Variants in MUC12 observed in about 807,000 individuals in gnomAD.
MUC12 encodes mucin 12, cell surface associated.
A neutral mutation model predicts 230.8 loss-of-function variants in MUC12; 172 were observed. The ratio of observed to expected loss-of-function variants is 0.75; its 90% CI spans 0.66 to 0.85. The LOEUF is 0.85. Among genes scored for constraint, MUC12 ranks in the 40% least tolerant of loss-of-function variants. MUC12 has a pLI of 0.00. For synonymous variants in MUC12, 1,259 were observed against 2,401.9 expected (o/e 0.52, Z 13.91); for missense variants, 3,506 against 5,920.6 (o/e 0.59, Z 13.38).
intron 1 of MUC12, among the ~76,000 whole-genome samples, chr7:100,984,979 G>A (rs1315245350): frequency 6.6e-6 from 1 of 152,052 alleles, no homozygotes; most frequent in African/African-American, 2.4e-5. Flanking sequence ...AGATTCTCCT[G>A]CCTCAGCCTC....
In MUC12 at chr7:100,990,703, C is replaced by A. The variant is rs1309159866; in HGVS notation, c.140C>A (p.Thr47Asn). Residue 47 changes from threonine (T) to asparagine (N), a missense_variant, in exon 2 of 12, where the codon ACC becomes AAC. Thr to Asn is a moderately conservative substitution (Grantham distance 65). Coordinates refer to ENST00000536621, the MANE Select transcript of MUC12 (RefSeq NM_001164462.2). Reference protein sequence around the residue: ...ASTPSSSDPFTTFSDYGVSVT... With the variant: ...ASTPSSSDPFNTFSDYGVSVT... The stretch of plus-strand genomic sequence containing the variant: ...ACACCCAGTTCAAGCGACCCTTTTA[C>A]CACCTTTAGTGACTATGGGGTGTCA... The A allele has an allele frequency of 3.3e-6, 5 of 1,537,786 alleles. No individual in the cohort carries two copies. Among genetic ancestry groups the A allele is most frequent in the African/African-American group, 2.7e-5 (2 of 73,040 alleles).
intron 3 of MUC12, among the ~76,000 whole-genome samples, chr7:101,007,307 A>T (rs1307841581): frequency 6.6e-6 from 1 of 152,090 alleles, no homozygotes; most frequent in East Asian, 1.9e-4. Flanking sequence ...GACTATAGTC[A>T]CTCTGTCGTG....
At position 101,014,958 on chromosome 7, in the gene MUC12, G is replaced by A. The variant is rs995920090; in HGVS notation, c.15801-657G>A. ...CTGTCACCCCTGGCTGTCTGAACTC[G>A]CTTTTATTACACACCCACTTTTGAG... On this transcript the variant is annotated intron_variant, in intron 9 of 11. Coordinates refer to ENST00000536621, the MANE Select transcript of MUC12 (RefSeq NM_001164462.2). Among the ~76,000 whole-genome samples the A allele has an allele frequency of 3.3e-5, 5 of 151,996 alleles. No individual in the cohort carries two copies. In the South Asian group the frequency reaches 6.2e-4, roughly 19 times the overall value.
Position 101,013,938 on chromosome 7 carries a change from T to C in MUC12, c.15664T>C (p.Tyr5222His). ...CLCPNTNTHW[Y>H]WGETCEFNIA... ...GTGCCCAAATACGAACACACACTGG[T>C]ACTGGGGAGAGACCTGTGAATTCAA... The change falls in exon 9 of 12, where the codon TAC becomes CAC. Residue 5222 changes from tyrosine (Y) to histidine (H), a missense_variant. Coordinates refer to ENST00000536621, the MANE Select transcript of MUC12 (RefSeq NM_001164462.2). 1 of 1,536,276 alleles carries C rather than the reference T, an allele frequency of 6.5e-7. No homozygotes were observed. Among genetic ancestry groups the C allele is most frequent in the Non-Finnish European group, 8.7e-7 (1 of 1,146,484 alleles).
Position 100,995,906 on chromosome 7 carries a change from A to G in MUC12, c.5343A>G (p.Thr1781=). ...AYHSSPGSTQ[T]MHFPESSTAS... ...ACAGCAGCCCGGGCTCAACTCAAAC[A>G]ATGCACTTCCCTGAAAGCTCCACAG... The change falls in exon 2 of 12, where the codon ACA becomes ACG. Residue 1781 remains threonine, a synonymous_variant. Transcript: ENST00000536621. 7.5e-7 allele frequency: 1 copy of G among 1,338,298 alleles called. No individual in the cohort carries two copies. Among genetic ancestry groups the G allele is most frequent in the South Asian group, 1.3e-5 (1 of 76,750 alleles). 82.9% of individuals were successfully genotyped at this position (1,338,298 alleles called of 1,614,324 possible). A position where few individuals can be genotyped will look rare whatever the true frequency, so the allele number is the denominator to read the frequency against.
rs868281354 is a variant in MUC12, at chr7:101,005,483, A to T, written c.14920A>T (p.Ile4974Phe). 9 of 1,537,540 alleles carry T rather than the reference A, an allele frequency of 5.9e-6. No individual in the cohort carries two copies. The highest frequency in any genetic ancestry group is 7.8e-6 in the Non-Finnish European group (9 of 1,146,870). Residue 4974 changes from isoleucine (I) to phenylalanine (F), a missense_variant, in exon 2 of 12, where the codon ATT becomes TTT. Transcript: ENST00000536621. ...FHTSPSFTSTIVSTESLETLA... is the reference protein window; with the variant it reads ...FHTSPSFTSTFVSTESLETLA... ...CACCAGTCCAAGCTTCACTTCTACA[A>T]TTGTGTCTACTGAAAGCCTGGAAAC...
Position 101,005,013 on chromosome 7 carries a change from C to A in MUC12, c.14450C>A (p.Ser4817Tyr). 1 of 1,537,636 alleles carries A rather than the reference C, an allele frequency of 6.5e-7. No homozygotes were observed. The highest frequency in any genetic ancestry group is 8.7e-7 in the Non-Finnish European group (1 of 1,147,016). ...TCCCCTGGCAGCATCACAACTTCATCTTTTGCTCAAGAATTTACCACCCCT... is the reference window on the plus strand; with the variant it reads ...TCCCCTGGCAGCATCACAACTTCATATTTTGCTCAAGAATTTACCACCCCT... Reference protein sequence around the residue: ...TLSPGSITTSSFAQEFTTPHS... With the variant: ...TLSPGSITTSYFAQEFTTPHS... The change falls in exon 2 of 12, where the codon TCT becomes TAT. Residue 4817 changes from serine to tyrosine, a missense_variant. Coordinates refer to ENST00000536621, the MANE Select transcript of MUC12 (RefSeq NM_001164462.2).
At chr7:100,972,592 T>G (rs1792930630) in intron 1 of MUC12, among the ~76,000 whole-genome samples, 1 of 143,808 alleles carries the variant, frequency 7.0e-6, no homozygotes, top group Non-Finnish European at 1.5e-5. Flanking sequence ...AACCTCTGTC[T>G]CCAGGGTTCA....
At chr7:100,989,806 C>G (rs572150621) in intron 1 of MUC12, among the ~76,000 whole-genome samples, 71 of 151,950 alleles carry the variant, frequency 4.7e-4, no homozygotes, top group Non-Finnish European at 8.7e-4. Context: ...TTCTCATGCC[C>G]TAGCCTCCCA....
rs1433421320 is a variant in MUC12, at chr7:100,972,892, CAG to C, written c.67+3205_67+3206del. ...GTGGACTGGTGAGGTTTTGGAGAAG[CAG>C]ACAGTCGAGCAAGGGAAGAGCACTC... is the stretch of plus-strand genomic sequence containing the variant. On this transcript the variant is annotated intron_variant, in intron 1 of 11. Transcript: ENST00000536621. The C allele has an allele frequency of 7.1e-6, 5 of 702,832 alleles. No individual in the cohort carries two copies. The East Asian group carries it at 1.3e-4, about 19-fold the overall frequency. The allele number at this position is 702,832 out of a possible 1,614,324, so 43.5% of individuals were successfully genotyped here.
At chr7:100,986,061 G>A (rs556203020) in intron 1 of MUC12, among the ~76,000 whole-genome samples, 1 of 152,094 alleles carries the variant, frequency 6.6e-6, no homozygotes, top group East Asian at 1.9e-4. Context: ...AAAGTCCACC[G>A]ACTTCAAAAC....
At chr7:101,018,058 TC>T (rs1363247877) in intron 11 of MUC12, among the ~76,000 whole-genome samples, 1 of 402 alleles carries the variant, frequency 2.5e-3, no homozygotes, top group Non-Finnish European at 3.3e-3. Context: ...CCCCTTCCCT[TC>T]CCCCTGGGAC....
Position 100,985,895 on chromosome 7 carries a change from C to T in MUC12, c.68-4736C>T, listed in dbSNP as rs369319531. Among the ~76,000 whole-genome samples, 7 of 152,224 alleles carry T rather than the reference C, an allele frequency of 4.6e-5. No individual in the cohort carries two copies. The South Asian group carries it at 1.2e-3, about 27-fold the overall frequency. On this transcript the variant is annotated intron_variant, in intron 1 of 11. Transcript: ENST00000536621. ...AACCCTGCCACCCTCACTTTGGTGC[C>T]GGCCTATCCTCTGCCATCCTCTCTG...
In MUC12 at chr7:100,992,532, C is replaced by A. The variant is rs771353225; in HGVS notation, c.1969C>A (p.Pro657Thr). 2 of 1,537,848 alleles carry A rather than the reference C, an allele frequency of 1.3e-6. No individual in the cohort carries two copies. Among genetic ancestry groups the A allele is most frequent in the African/African-American group, 2.7e-5 (2 of 73,032 alleles). Reference sequence around the variant, plus strand: ...TACTACCACATCAGCCTTTGTTGAGCCATCTACAACCTCCCACGGCAGCCC... The same window carrying A: ...TACTACCACATCAGCCTTTGTTGAGACATCTACAACCTCCCACGGCAGCCC... ...PPTTTSAFVEPSTTSHGSPSS... is the reference protein window; with the variant it reads ...PPTTTSAFVETSTTSHGSPSS... Residue 657 changes from proline (P) to threonine (T), a missense_variant, in exon 2 of 12, where the codon CCA (proline) becomes ACA (threonine). Transcript: ENST00000536621.
chr7:100,995,539 C>A lies in MUC12; in HGVS notation c.4976C>A (p.Ala1659Glu), dbSNP rs1453354183. 4 of 1,535,978 alleles carry A rather than the reference C, an allele frequency of 2.6e-6. No individual in the cohort carries two copies. Among genetic ancestry groups the A allele is most frequent in the Non-Finnish European group, 3.5e-6 (4 of 1,146,840 alleles). Reference protein sequence around the residue: ...DNTTASGLLEASTPVHSSTGS... With the variant: ...DNTTASGLLEESTPVHSSTGS... ...ACCACAGCCTCAGGCCTCCTTGAAG[C>A]ATCTACGCCCGTCCACAGCAGCACT... The change falls in exon 2 of 12, where the codon GCA becomes GAA. Residue 1659 changes from alanine to glutamate, a missense_variant. Ala to Glu is a moderately radical substitution (Grantham distance 107, BLOSUM62 -1). Coordinates refer to ENST00000536621, the MANE Select transcript of MUC12 (RefSeq NM_001164462.2).
chr7:101,014,088 G>A lies in MUC12; in HGVS notation c.15800+14G>A, dbSNP rs1402746820. Reference sequence around the variant, plus strand: ...AAAACGGCACAGGTGAGCTTGTGAGGCCAGCACCGCAGGCCCACACAGAGG... The same window carrying A: ...AAAACGGCACAGGTGAGCTTGTGAGACCAGCACCGCAGGCCCACACAGAGG... On this transcript the variant is annotated intron_variant, in intron 9 of 11. Coordinates refer to ENST00000536621, the MANE Select transcript of MUC12 (RefSeq NM_001164462.2). 2.0e-6 allele frequency: 3 copies of A among 1,522,010 alleles called. No individual in the cohort carries two copies. The highest frequency in any genetic ancestry group is 2.5e-5 in the East Asian group (1 of 40,666). The allele number at this position is 1,522,010 out of a possible 1,614,324, so 94.3% of individuals were successfully genotyped here. A position where few individuals can be genotyped will look rare whatever the true frequency, so the allele number is the denominator to read the frequency against.
chr7:100,969,969 C>T (rs1256419366), intron 1 of MUC12, among the ~76,000 whole-genome samples: 1 of 152,304 alleles, frequency 6.6e-6, no homozygotes, highest in Non-Finnish European at 1.5e-5. Context: ...CTCCAGGCTC[C>T]CCCCGGGAGG....
intron 1 of MUC12, among the ~76,000 whole-genome samples, chr7:100,975,962 A>C (rs111422392): frequency 4.1e-3 from 632 of 152,350 alleles, no homozygotes; most frequent in African/African-American, 0.014. Context: ...TGGAGAAGTC[A>C]ATAGAGACCC....
In MUC12 at chr7:101,013,936, G is replaced by C; in HGVS notation, c.15662G>C (p.Trp5221Ser). The change falls in exon 9 of 12, where the codon TGG (tryptophan) becomes TCG (serine). Residue 5221 changes from tryptophan to serine, a missense_variant. Physicochemically the swap from Trp to Ser is radical, Grantham distance 177 (BLOSUM62 -3). Coordinates refer to ENST00000536621, the MANE Select transcript of MUC12 (RefSeq NM_001164462.2). ...AGGTGCCCAAATACGAACACACACT[G>C]GTACTGGGGAGAGACCTGTGAATTC... ...RCLCPNTNTH[W>S]YWGETCEFNI... 6.5e-7 allele frequency: 1 copy of C among 1,535,802 alleles called. No homozygotes were observed. The highest frequency in any genetic ancestry group is 8.7e-7 in the Non-Finnish European group (1 of 1,146,246).
Sources: allele counts gnomAD v4.1 joint callset (sites outside exome capture counted in the v4.1 genomes callset), GRCh38; gene constraint gnomAD v4.1.1; transcripts MANE v1.5; gene names NCBI Gene and HGNC (gene_info 2026-07-23, HGNC 2026-07-21).